Variants in ZC3HAV1L observed in about 807,000 individuals in gnomAD.
ZC3HAV1L encodes ZC3HAV1 like.
Under a neutral mutation model 28.2 loss-of-function variants are expected in ZC3HAV1L, and 23 were observed. That is an observed-to-expected ratio of 0.82 (90% CI 0.59 to 1.16). The LOEUF is 1.16. Among genes scored for constraint, ZC3HAV1L ranks in the 50% most tolerant of loss-of-function variants. The probability of loss-of-function intolerance (pLI) is 0.00; values close to 1 mark genes in which losing one functional copy is unlikely to be tolerated. For synonymous variants in ZC3HAV1L, 180 were observed against 163.4 expected, an observed-to-expected ratio of 1.10 and a Z score of -0.78; for missense variants, 376 against 387.7, an observed-to-expected ratio of 0.97 and a Z score of 0.25.
chr7:139,034,223 T>G (rs1467896108), intron 2 of ZC3HAV1L: 1 of 968,670 alleles, frequency 1.0e-6, no homozygotes, highest in East Asian at 1.1e-4. Context: ...ATCCCTCTTC[T>G]GGCCAAGTGG....
chr7:139,032,230 G>T (rs1379795141), intron 2 of ZC3HAV1L, among the ~76,000 whole-genome samples: 1 of 152,158 alleles, frequency 6.6e-6, no homozygotes, highest in Admixed American at 6.5e-5. Flanking sequence ...GTTCCTTATA[G>T]ATTTGTTAAA....
At chr7:139,035,613 G>T in intron 1 of ZC3HAV1L, 40 bp downstream of exon 1, 1 of 1,354,860 alleles carries the variant, frequency 7.4e-7, no homozygotes, top group South Asian at 1.8e-5. Flanking sequence ...CCAGGCCCGC[G>T]GCCAGCGCCC....
At chr7:139,027,403 T>G (rs889872476) in intron 3 of ZC3HAV1L, among the ~76,000 whole-genome samples, 8 of 152,234 alleles carry the variant, frequency 5.3e-5, no homozygotes, top group African/African-American at 1.9e-4. Context: ...CCAGGTGCAG[T>G]GGCTCACGCC....
At chr7:139,031,805 T>G (rs141197617) in intron 2 of ZC3HAV1L, among the ~76,000 whole-genome samples, 3,095 of 151,968 alleles carry the variant, frequency 0.02, 53 homozygotes, top group Non-Finnish European at 0.034. Flanking sequence ...CTTGGGAGGC[T>G]GAGGCAGGAG....
At chr7:139,026,925 G>T in intron 3 of ZC3HAV1L, 92 bp from the exon 4 acceptor site, 1 of 1,391,264 alleles carries the variant, frequency 7.2e-7, no homozygotes, top group South Asian at 1.4e-5. Flanking sequence ...CATCAGACAA[G>T]ACTCCCAACA....
chr7:139,034,466 T>C (rs775601749), intron 2 of ZC3HAV1L, 77 bp downstream of exon 2: 7 of 1,566,954 alleles, frequency 4.5e-6, no homozygotes, highest in East Asian at 2.3e-5. Flanking sequence ...AAAATTAATA[T>C]GTAAAGCCAA....
At chr7:139,035,428 T>TG in intron 1 of ZC3HAV1L, 1 of 985,238 alleles carries the variant, frequency 1.0e-6, no homozygotes, top group South Asian at 4.7e-5. Context: ...TTTTCTGGCG[T>TG]GGGCGGTTGA....
chr7:139,035,212 C>G, intron 1 of ZC3HAV1L: 1 of 985,436 alleles, frequency 1.0e-6, no homozygotes, highest in Non-Finnish European at 1.2e-6. Context: ...ACCTAGAGGG[C>G]GCAGACCCGC....
chr7:139,035,982 C>A lies in ZC3HAV1L; in HGVS notation c.36G>T (p.Lys12Asn). The A allele has an allele frequency of 1.3e-6, 2 of 1,525,934 alleles. No homozygotes were observed. The highest frequency in any genetic ancestry group is 2.6e-5 in the East Asian group (1 of 38,736). 94.5% of individuals were successfully genotyped at this position (1,525,934 alleles called of 1,614,324 possible). Residue 12 changes from lysine to asparagine, a missense_variant, in exon 1 of 5, where the codon AAG becomes AAT. Physicochemically the swap from Lys to Asn is moderately conservative, Grantham distance 94. Transcript: ENST00000275766. ...AEPTVCSFLT[K>N]VLCAHGGRMF... is the part of the protein sequence containing the mutation. ...TGCGGCCGCCGTGGGCGCACAGCACCTTGGTGAGGAAGGAGCACACTGTGG... is the reference window on the plus strand; with the variant it reads ...TGCGGCCGCCGTGGGCGCACAGCACATTGGTGAGGAAGGAGCACACTGTGG...
Position 139,028,916 on chromosome 7 carries a change from G to A in ZC3HAV1L, c.546C>T (p.Cys182=), listed in dbSNP as rs139304246. ...ACTTGTTGCATTTATCCTTGAGGTT[G>A]CAGTAGCCATACAGGGCTTCCCCTT... The part of the protein sequence containing the change: ...YNKGEALYGY[C]NLKDKCNKFH... Residue 182 remains cysteine, a synonymous_variant, in exon 3 of 5, where the codon TGC becomes TGT. Transcript: ENST00000275766. 1.2e-6 allele frequency: 2 copies of A among 1,614,084 alleles called. No individual in the cohort carries two copies. The highest frequency in any genetic ancestry group is 2.7e-5 in the African/African-American group (2 of 74,928).
At chr7:139,033,555 A>G (rs1437125348) in intron 2 of ZC3HAV1L, among the ~76,000 whole-genome samples, 21 of 152,166 alleles carry the variant, frequency 1.4e-4, no homozygotes, top group Admixed American at 1.3e-3. Flanking sequence ...TTCCAGTCCC[A>G]GGTGATGGGG....
intron 3 of ZC3HAV1L, among the ~76,000 whole-genome samples, chr7:139,028,465 T>C (rs1188844621): frequency 2.6e-5 from 4 of 152,046 alleles, no homozygotes; most frequent in African/African-American, 4.8e-5. Flanking sequence ...TAGATTCTAG[T>C]AGCTAGCAGT....
At chr7:139,033,934 A>AC (rs1387189095) in intron 2 of ZC3HAV1L, 2 of 985,224 alleles carry the variant, frequency 2.0e-6, no homozygotes, top group African/African-American at 3.5e-5. Context: ...CTGGCTCACA[A>AC]CCGTGACATA....
At position 139,035,861 on chromosome 7, in the gene ZC3HAV1L, C is replaced by T; in HGVS notation, c.157G>A (p.Glu53Lys). ...RAGPERFLLQ[E>K]VETQEGLGDA... is the part of the protein sequence containing the mutation. The stretch of plus-strand genomic sequence containing the variant: ...CCGAGGCCCTCCTGCGTCTCCACCT[C>T]CTGCAGCAGGAAACGCTCGGGCCCG... Residue 53 changes from glutamate (E) to lysine (K), a missense_variant, in exon 1 of 5, where the codon GAG becomes AAG. Transcript: ENST00000275766. The T allele has an allele frequency of 1.3e-6, 2 of 1,509,130 alleles. No individual in the cohort carries two copies. The highest frequency in any genetic ancestry group is 2.5e-5 in the South Asian group (2 of 81,198). 93.5% of individuals were successfully genotyped at this position (1,509,130 alleles called of 1,614,324 possible).
Position 139,028,928 on chromosome 7 carries a change from C to T in ZC3HAV1L, c.534G>A (p.Leu178=), listed in dbSNP as rs7800990. 2 of 1,614,114 alleles carry T rather than the reference C, an allele frequency of 1.2e-6. No homozygotes were observed. The highest frequency in any genetic ancestry group is 1.6e-4 in the Middle Eastern group (1 of 6,062). The change falls in exon 3 of 5, where the codon CTG becomes CTA. Residue 178 remains leucine, a synonymous_variant. Transcript: ENST00000275766. ...VCLLYNKGEA[L]YGYCNLKDKC... The stretch of plus-strand genomic sequence containing the variant: ...TATCCTTGAGGTTGCAGTAGCCATA[C>T]AGGGCTTCCCCTTTGTTGTAGAGCA...
intron 2 of ZC3HAV1L, 108 bp downstream of exon 2, chr7:139,034,435 C>T: frequency 1.4e-6 from 2 of 1,445,162 alleles, no homozygotes; most frequent in Non-Finnish European, 1.8e-6. Context: ...GAAACTGAAT[C>T]ATGTTGCTTC....
chr7:139,034,284 T>C (rs1563116111), intron 2 of ZC3HAV1L: 1 of 816,428 alleles, frequency 1.2e-6, no homozygotes, highest in South Asian at 5.6e-5. Context: ...TTGCTTTTAA[T>C]TGGTGGTCTT....
chr7:139,025,753 C>T lies in ZC3HAV1L; in HGVS notation c.*791G>A, dbSNP rs1563113013. The T allele has an allele frequency of 1.3e-5, 2 of 152,030 alleles. No individual in the cohort carries two copies. Among genetic ancestry groups the T allele is most frequent in the Admixed American group, 1.3e-4 (2 of 15,264 alleles). The allele number at this position is 152,030 out of a possible 1,614,324, so 9.4% of individuals were successfully genotyped here. On this transcript the variant is annotated 3_prime_UTR_variant, in exon 5 of 5. Transcript: ENST00000275766. ...TTTTAAAAATGCAAATGACAGTATC[C>T]TTTAGCATCTATAAGCTAAGCAAAA...
At chr7:139,034,350 T>C (rs1474598856) in intron 2 of ZC3HAV1L, among the ~76,000 whole-genome samples, 193 bp downstream of exon 2, 2 of 152,242 alleles carry the variant, frequency 1.3e-5, no homozygotes, top group African/African-American at 2.4e-5. Context: ...TAAAACTTCT[T>C]TGTGTATGGC....
Sources: allele counts gnomAD v4.1 joint callset (sites outside exome capture counted in the v4.1 genomes callset), GRCh38; gene constraint gnomAD v4.1.1; transcripts MANE v1.5; gene names NCBI Gene and HGNC (gene_info 2026-07-23, HGNC 2026-07-21).